PLEKHA5: variants seen among roughly 807,000 people sequenced by gnomAD.
PLEKHA5 encodes pleckstrin homology domain-containing family A member 5.
A neutral mutation model predicts 181.9 loss-of-function variants in PLEKHA5; 55 were observed. That is an observed-to-expected ratio of 0.30 (90% CI 0.24 to 0.38). The LOEUF is 0.38. Ranked by LOEUF, PLEKHA5 falls within the 10% of genes least tolerant of loss-of-function variation. The pLI is 1.00. For missense variants in PLEKHA5, 1,432 were observed against 1,549.5 expected, an observed-to-expected ratio of 0.92 and a Z score of 1.27; for synonymous variants, 535 against 529.4, an observed-to-expected ratio of 1.01 and a Z score of -0.15.
chr12:19,326,020 TAAATAAAATA>T (rs1239897328), intron 20 of PLEKHA5, among the ~76,000 whole-genome samples: 13 of 151,674 alleles, frequency 8.6e-5, no homozygotes, highest in Admixed American at 8.5e-4. Context: ...AAAAATAAAA[TAAATAAAATA>T]AAATAAAATA....
intron 9 of PLEKHA5, 59 bp downstream of exon 9, chr12:19,269,944 C>A: frequency 1.1e-6 from 1 of 907,566 alleles, no homozygotes; most frequent in Non-Finnish European, 1.8e-6. Flanking sequence ...CCATGCCTTG[C>A]AAGTATTTCA....
intron 21 of PLEKHA5, among the ~76,000 whole-genome samples, chr12:19,337,888 G>A (rs1234291858): frequency 4.6e-5 from 7 of 151,478 alleles, no homozygotes; most frequent in South Asian, 2.1e-4. Flanking sequence ...AAAATTAGCC[G>A]AGCTTGGTGG....
chr12:19,303,815 C>CTTTTTTTTTT (rs578224551), intron 15 of PLEKHA5: 14 of 107,512 alleles, frequency 1.3e-4, no homozygotes, highest in Non-Finnish European at 2.0e-4. Context: ...TTTCTTTGAG[C>CTTTTTTTTTT]TTTTTTTTTT....
intron 7 of PLEKHA5, 107 bp from the exon 8 acceptor site, chr12:19,265,643 A>G (rs1057231778): frequency 1.5e-6 from 1 of 652,412 alleles, no homozygotes; most frequent in African/African-American, 1.8e-5. Flanking sequence ...ACATGAATAT[A>G]GTTCATTTAT....
intron 3 of PLEKHA5, among the ~76,000 whole-genome samples, chr12:19,164,120 C>T (rs1315102749): frequency 6.6e-6 from 1 of 151,962 alleles, no homozygotes; most frequent in Non-Finnish European, 1.5e-5. Context: ...CTTAAGCCAC[C>T]CCCTTTCTGA....
intron 3 of PLEKHA5, among the ~76,000 whole-genome samples, chr12:19,168,654 C>T (rs2151621083): frequency 6.6e-6 from 1 of 152,270 alleles, no homozygotes; most frequent in East Asian, 1.9e-4. Context: ...TACATATGTG[C>T]ACATTCTGAT....
chr12:19,255,514 A>G (rs1411916752), intron 5 of PLEKHA5, among the ~76,000 whole-genome samples: 2 of 151,962 alleles, frequency 1.3e-5, no homozygotes, highest in Non-Finnish European at 2.9e-5. Context: ...AACCATTGTA[A>G]TAGTATATTA....
intron 3 of PLEKHA5, among the ~76,000 whole-genome samples, chr12:19,197,678 GT>G (rs2053180795): frequency 1.4e-4 from 1 of 7,396 alleles, no homozygotes; most frequent in Non-Finnish European, 3.7e-4. Context: ...ATCCGGTGCT[GT>G]GTGTGTGTGT....
chr12:19,356,602 A>G (rs909455404), intron 26 of PLEKHA5, among the ~76,000 whole-genome samples: 2 of 151,910 alleles, frequency 1.3e-5, no homozygotes, highest in Admixed American at 1.3e-4. Context: ...AGTTCATCAT[A>G]AAGATCTTCA....
chr12:19,140,230 C>T (rs962914698), intron 3 of PLEKHA5, among the ~76,000 whole-genome samples: 1 of 152,148 alleles, frequency 6.6e-6, no homozygotes, highest in African/African-American at 2.4e-5. Flanking sequence ...TGTTAGACTA[C>T]ACATAAATCC....
intron 8 of PLEKHA5, among the ~76,000 whole-genome samples, chr12:19,268,687 A>G (rs2071417392): frequency 6.6e-6 from 1 of 152,164 alleles, no homozygotes; most frequent in Admixed American, 6.5e-5. Context: ...GATGGCGAGC[A>G]TGGTGGGGAT....
At chr12:19,257,201 A>G (rs938719183) in intron 5 of PLEKHA5, among the ~76,000 whole-genome samples, 1 of 152,178 alleles carries the variant, frequency 6.6e-6, no homozygotes. Flanking sequence ...TCCAGATTTT[A>G]AAGGAAAGAT....
intron 15 of PLEKHA5, chr12:19,306,270 G>A (rs1222778679): frequency 1.7e-5 from 6 of 345,274 alleles, no homozygotes; most frequent in Non-Finnish European, 2.9e-5. Flanking sequence ...ATGTTGCCAC[G>A]TATGTTTTCT....
chr12:19,353,216 C>T (rs879494901), intron 25 of PLEKHA5, among the ~76,000 whole-genome samples: 15 of 152,094 alleles, frequency 9.9e-5, no homozygotes, highest in Non-Finnish European at 7.4e-5. Flanking sequence ...TGCCGTGGCG[C>T]TATCTCAGCT....
intron 3 of PLEKHA5, among the ~76,000 whole-genome samples, chr12:19,199,598 C>T (rs899673019): frequency 3.3e-5 from 5 of 152,092 alleles, no homozygotes; most frequent in Non-Finnish European, 7.4e-5. Flanking sequence ...GCTCAGTAGC[C>T]AACCACACTT....
In PLEKHA5 at chr12:19,361,648, G is replaced by C. The variant is rs745758805; in HGVS notation, c.3550G>C (p.Val1184Leu). The C allele has an allele frequency of 5.0e-6, 8 of 1,585,604 alleles. No individual in the cohort carries two copies. Among genetic ancestry groups the C allele is most frequent in the Non-Finnish European group, 6.9e-6 (8 of 1,157,472 alleles). The stretch of plus-strand genomic sequence containing the variant: ...ACCTGAGCCAAATGGAGTAAATTCT[G>C]TGGAAATGATGGATAAAGAAAGAAA... ...FEPEPNGVNS[V>L]EMMDKERNKD... The change falls in exon 29 of 32, where the codon GTG (valine) becomes CTG (leucine). Residue 1184 changes from valine (V) to leucine (L), a missense_variant. Physicochemically the swap from Val to Leu is conservative, Grantham distance 32. Coordinates refer to ENST00000429027, the MANE Select transcript of PLEKHA5 (RefSeq NM_001256470.2).
intron 8 of PLEKHA5, among the ~76,000 whole-genome samples, chr12:19,267,897 T>C (rs1592262196): frequency 6.6e-6 from 1 of 151,380 alleles, no homozygotes; most frequent in South Asian, 2.1e-4. Context: ...GAGGCGGAGG[T>C]TGCAGTGAGC....
chr12:19,346,126 C>T (rs142863058), intron 23 of PLEKHA5, among the ~76,000 whole-genome samples: 181 of 152,032 alleles, frequency 1.2e-3, no homozygotes, highest in African/African-American at 4.0e-3. Flanking sequence ...AGAATTTTAA[C>T]GTTGTCATAC....
intron 15 of PLEKHA5, among the ~76,000 whole-genome samples, chr12:19,310,817 G>T (rs1310778589): frequency 6.6e-6 from 1 of 151,996 alleles, no homozygotes; most frequent in Admixed American, 6.6e-5. Flanking sequence ...GCCTGTAAAA[G>T]TAATGATTAT....
Sources: allele counts gnomAD v4.1 joint callset (sites outside exome capture counted in the v4.1 genomes callset), GRCh38; gene constraint gnomAD v4.1.1; transcripts MANE v1.5; gene names NCBI Gene and HGNC (gene_info 2026-07-23, HGNC 2026-07-21).